Variants in PDHB observed in about 807,000 individuals in gnomAD.
The protein encoded by PDHB is pyruvate dehydrogenase E1 component subunit beta, mitochondrial.
Under a neutral mutation model 42.8 loss-of-function variants are expected in PDHB, and 17 were observed. The observed-to-expected ratio is 0.40, with a 90% CI of 0.27 to 0.60. The LOEUF (loss-of-function observed/expected upper bound fraction) is 0.60. PDHB is among the 20% of genes least tolerant of loss of function. The pLI is 0.46. For synonymous variants in PDHB, 154 were observed against 148.7 expected, an observed-to-expected ratio of 1.04 and a Z score of -0.26; for missense variants, 322 against 451.3, an observed-to-expected ratio of 0.71 and a Z score of 2.60.
In PDHB at chr3:58,429,683, TAAGAAC is replaced by T; in HGVS notation, c.792+19_792+24del. 1 of 1,427,258 alleles carries T rather than the reference TAAGAAC, an allele frequency of 7.0e-7. No homozygotes were observed. Among genetic ancestry groups the T allele is most frequent in the Non-Finnish European group, 9.9e-7 (1 of 1,009,508 alleles). 88.4% of individuals were successfully genotyped at this position (1,427,258 alleles called of 1,614,324 possible). A position where few individuals can be genotyped will look rare whatever the true frequency, so the allele number is the denominator to read the frequency against. On this transcript the variant is annotated intron_variant, in intron 8 of 9. Coordinates refer to ENST00000302746, the MANE Select transcript of PDHB (RefSeq NM_000925.4). ...TCTAAAAGGAGCCCTTCTAATTCTT[TAAGAAC>T]AAGTAAATGTCCACTCACCTCACAT...
Position 58,428,485 on chromosome 3 carries a change from T to C in PDHB, c.922A>G (p.Arg308Gly), listed in dbSNP as rs1237258897. ...QFGVGAEICARIMEGPAFNFL... is the reference protein window; with the variant it reads ...QFGVGAEICAGIMEGPAFNFL... ...TTCTTTGAAATACCTTCCATGATCCTGGCACAGATTTCAGCTCCTACTCCA... is the reference window on the plus strand; with the variant it reads ...TTCTTTGAAATACCTTCCATGATCCCGGCACAGATTTCAGCTCCTACTCCA... Residue 308 changes from arginine to glycine, a missense_variant, in exon 9 of 10, where the codon AGG (arginine) becomes GGG (glycine). Transcript: ENST00000302746. The C allele has an allele frequency of 2.5e-6, 4 of 1,614,072 alleles. No homozygotes were observed. Among genetic ancestry groups the C allele is most frequent in the Non-Finnish European group, 3.4e-6 (4 of 1,180,028 alleles).
At chr3:58,432,254 G>A (rs1476437878) in intron 2 of PDHB, 11 of 462,626 alleles carry the variant, frequency 2.4e-5, no homozygotes, top group Non-Finnish European at 4.3e-5. Context: ...TTAATATAAT[G>A]AATGGTAAAA....
At position 58,429,616 on chromosome 3, in the gene PDHB, T is replaced by TA. The variant is rs2062902906; in HGVS notation, c.792+91dup. The stretch of plus-strand genomic sequence containing the variant: ...AGAAATGAGTGACAAAGCAAGGTTT[T>TA]ACATCTAATTAACCTGTTACAGAAC... On this transcript the variant is annotated intron_variant, in intron 8 of 9. Transcript: ENST00000302746. 3.6e-6 allele frequency: 3 copies of TA among 840,142 alleles called. No individual in the cohort carries two copies. The Admixed American group carries it at 5.1e-5, about 14-fold the overall frequency. 52.0% of individuals were successfully genotyped at this position (840,142 alleles called of 1,614,324 possible).
chr3:58,427,687 T>C lies in PDHB; in HGVS notation c.*347A>G, dbSNP rs1473430848. 3 of 411,126 alleles carry C rather than the reference T, an allele frequency of 7.3e-6. No individual in the cohort carries two copies. Among genetic ancestry groups the C allele is most frequent in the East Asian group, 7.1e-5 (1 of 14,120 alleles). 25.5% of individuals were successfully genotyped at this position (411,126 alleles called of 1,614,324 possible). A position where few individuals can be genotyped will look rare whatever the true frequency, so the allele number is the denominator to read the frequency against. ...ACAAACTAACAGTAAATGTATATTA[T>C]ATGCTTTAATTTTATACATATAAGT... On this transcript the variant is annotated 3_prime_UTR_variant, in exon 10 of 10. Transcript: ENST00000302746.
In PDHB at chr3:58,430,742, G is replaced by A. The variant is rs1455953067; in HGVS notation, c.504C>T (p.His168=). The A allele has an allele frequency of 6.2e-7, 1 of 1,613,798 alleles. No individual in the cohort carries two copies. The highest frequency in any genetic ancestry group is 8.5e-7 in the Non-Finnish European group (1 of 1,179,768). ...GACTGACCACCTTTAAGCCTGGGCA[G>A]TGCCCATACCAGGCAGCAAAGCACT... ...HSQCFAAWYG[H]CPGLKVVSPW... Residue 168 remains histidine (H), a synonymous_variant, in exon 6 of 10, where the codon CAC becomes CAT. Coordinates refer to ENST00000302746, the MANE Select transcript of PDHB (RefSeq NM_000925.4).
Position 58,431,580 on chromosome 3 carries a change from G to C in PDHB, c.303+13C>G. On this transcript the variant is annotated intron_variant, in intron 5 of 9. Coordinates refer to ENST00000302746, the MANE Select transcript of PDHB (RefSeq NM_000925.4). This position sits in a 1 kb window ranked among gnomAD's most constrained non-coding sequence, Gnocchi z 4.4. ...AATGTCTTTGGATAAGTTTCATAAAGAGTATTACATACCATAGCTGCACCT... is the reference window on the plus strand; with the variant it reads ...AATGTCTTTGGATAAGTTTCATAAACAGTATTACATACCATAGCTGCACCT... 1 of 1,579,466 alleles carries C rather than the reference G, an allele frequency of 6.3e-7. No individual in the cohort carries two copies. Among genetic ancestry groups the C allele is most frequent in the South Asian group, 1.1e-5 (1 of 90,310 alleles).
At position 58,431,263 on chromosome 3, in the gene PDHB, T is replaced by C. The variant is rs1218328674; in HGVS notation, c.304-321A>G. 3 of 460,024 alleles carry C rather than the reference T, an allele frequency of 6.5e-6. No individual in the cohort carries two copies. Among genetic ancestry groups the C allele is most frequent in the African/African-American group, 2.0e-5 (1 of 51,054 alleles). The allele number at this position is 460,024 out of a possible 1,614,324, so 28.5% of individuals were successfully genotyped here. On this transcript the variant is annotated intron_variant, in intron 5 of 9. Transcript: ENST00000302746. This position sits in a 1 kb window ranked among gnomAD's most constrained non-coding sequence, Gnocchi z 4.4. ...TTTTAAAAGGTGATGTTAAATCTCT[T>C]TGGGGATGGGCACAGTGGCTCACGC...
Position 58,431,500 on chromosome 3 carries a change from C to T in PDHB, c.303+93G>A, listed in dbSNP as rs192925800. The T allele has an allele frequency of 1.3e-5, 13 of 1,014,574 alleles. No homozygotes were observed. The highest frequency in any genetic ancestry group is 7.1e-5 in the East Asian group (3 of 42,106). 62.8% of individuals were successfully genotyped at this position (1,014,574 alleles called of 1,614,324 possible). A position where few individuals can be genotyped will look rare whatever the true frequency, so the allele number is the denominator to read the frequency against. On this transcript the variant is annotated intron_variant, in intron 5 of 9. Coordinates refer to ENST00000302746, the MANE Select transcript of PDHB (RefSeq NM_000925.4). The surrounding 1 kb of genome is among the most constrained non-coding windows in gnomAD (Gnocchi z 4.4). ...AAGCTGAGATGGTGCCAGTGCACTC[C>T]AGGCTGGACAACAGAGTGAGACTCT... is the stretch of plus-strand genomic sequence containing the variant.
At position 58,429,724 on chromosome 3, in the gene PDHB, T is replaced by C. The variant is rs767174898; in HGVS notation, c.776A>G (p.Glu259Gly). 45 of 1,607,188 alleles carry C rather than the reference T, an allele frequency of 2.8e-5. No individual in the cohort carries two copies. The highest frequency in any genetic ancestry group is 3.3e-5 in the South Asian group (3 of 90,962). The change falls in exon 8 of 10, where the codon GAA (glutamate) becomes GGA (glycine). Residue 259 changes from glutamate (E) to glycine (G), a missense_variant. By Grantham distance (98) the Glu-to-Gly change is moderately conservative. Transcript: ENST00000302746. ...CLEAAAVLSK[E>G]GVECEVINMR... Reference sequence around the variant, plus strand: ...TCCACTCACCTCACATTCAACTCCTTCTTTAGATAGCACTGCTGCAGCTTC... The same window carrying C: ...TCCACTCACCTCACATTCAACTCCTCCTTTAGATAGCACTGCTGCAGCTTC...
rs758735231 is a variant in PDHB, at chr3:58,433,639, C to A, written c.88G>T (p.Ala30Ser). 3 of 1,611,112 alleles carry A rather than the reference C, an allele frequency of 1.9e-6. No homozygotes were observed. The highest frequency in any genetic ancestry group is 2.7e-5 in the African/African-American group (2 of 74,924). Residue 30 changes from alanine (A) to serine (S), a missense_variant, in exon 2 of 10, where the codon GCG becomes TCG. Ala to Ser is a moderately conservative substitution (Grantham distance 99). This residue lies in a region of PDHB where 58 missense variants were observed against 42.1 expected (regional missense o/e 1.38). Coordinates refer to ENST00000302746, the MANE Select transcript of PDHB (RefSeq NM_000925.4). ...GCACCCGCGCCTGTTACCTGCAGCG[C>A]AGCCGGCGCGGTCCAGTGAAAGCGC... ...KRRFHWTAPA[A>S]LQVTVRDAIN...
chr3:58,432,808 G>A (rs1047212366), intron 2 of PDHB: 2 of 152,610 alleles, frequency 1.3e-5, no homozygotes, highest in African/African-American at 4.8e-5. Context: ...AGACCAGCCT[G>A]GGCAATATGG....
At chr3:58,430,462 C>T (rs924724000) in intron 6 of PDHB, among the ~76,000 whole-genome samples, 195 bp downstream of exon 6, 7 of 152,156 alleles carry the variant, frequency 4.6e-5, no homozygotes, top group African/African-American at 1.4e-4. Flanking sequence ...TAAATGTCCC[C>T]TTTACCTAGC....
rs755528489 is a variant in PDHB at position 58,433,621 on chromosome 3, C to T, written c.96+10G>A. On this transcript the variant is annotated intron_variant, in intron 2 of 9. Transcript: ENST00000302746. ...CCCGCCCTCGTCCGACGAGCACCCG[C>T]GCCTGTTACCTGCAGCGCAGCCGGC... 1.5e-5 allele frequency: 24 copies of T among 1,608,400 alleles called. No homozygotes were observed. Among genetic ancestry groups the T allele is most frequent in the Non-Finnish European group, 2.0e-5 (24 of 1,178,390 alleles).
chr3:58,431,096 G>C lies in PDHB; in HGVS notation c.304-154C>G, dbSNP rs185009343. 1.5e-4 allele frequency: 116 copies of C among 755,436 alleles called. No individual in the cohort carries two copies. In the African/African-American group the frequency reaches 1.8e-3, roughly 12 times the overall value. The allele number at this position is 755,436 out of a possible 1,614,324, so 46.8% of individuals were successfully genotyped here. A position where few individuals can be genotyped will look rare whatever the true frequency, so the allele number is the denominator to read the frequency against. ...GTCTCACTGTCACCCATGCTGGAGT[G>C]CAGTGGCACACATCATAGCTCACTG... On this transcript the variant is annotated intron_variant, in intron 5 of 9. Transcript: ENST00000302746. This position sits in a 1 kb window ranked among gnomAD's most constrained non-coding sequence, Gnocchi z 4.4.
intron 2 of PDHB, chr3:58,433,380 C>G (rs1446596163): frequency 3.4e-6 from 2 of 595,788 alleles, no homozygotes; most frequent in Non-Finnish European, 6.0e-6. Flanking sequence ...AAGAAAAAAA[C>G]ATGGAGTGAG....
chr3:58,433,552 C>T, intron 2 of PDHB, 79 bp downstream of exon 2: 1 of 1,467,152 alleles, frequency 6.8e-7, no homozygotes, highest in Non-Finnish European at 9.3e-7. Context: ...GGCCACAGCG[C>T]AGGCGCGACT....
rs11130641 is a variant in PDHB at position 58,432,202 on chromosome 3, T to C, written c.97-218A>G. 0.77 allele frequency: 437,999 copies of C among 569,488 alleles called. 169,319 individuals carry two copies. The highest frequency in any genetic ancestry group is 0.8 in the South Asian group (39,504 of 49,652). 35.3% of individuals were successfully genotyped at this position (569,488 alleles called of 1,614,324 possible). A position where few individuals can be genotyped will look rare whatever the true frequency, so the allele number is the denominator to read the frequency against. ...TACTGAGTGCTCACTAGGTGCCAAG[T>C]ACTGCCAAATACTTTGCATCCAGAA... On this transcript the variant is annotated intron_variant, in intron 2 of 9. Transcript: ENST00000302746.
chr3:58,430,638 A>T lies in PDHB; in HGVS notation c.589+19T>A, dbSNP rs368511475. 2.5e-6 allele frequency: 4 copies of T among 1,609,866 alleles called. No homozygotes were observed. Among genetic ancestry groups the T allele is most frequent in the Admixed American group, 3.3e-5 (2 of 60,002 alleles). ...AGTTTTTCAATCTTCAAAAAAAACC[A>T]AAGGGTCCCTGTGCTGACCTGGATT... On this transcript the variant is annotated intron_variant, in intron 6 of 9. Coordinates refer to ENST00000302746, the MANE Select transcript of PDHB (RefSeq NM_000925.4).
chr3:58,430,610 T>C, intron 6 of PDHB, 47 bp downstream of exon 6: 1 of 1,490,784 alleles, frequency 6.7e-7, no homozygotes, highest in South Asian at 1.1e-5. Flanking sequence ...AATATATCAT[T>C]TTAGTTTTTC....
Sources: allele counts gnomAD v4.1 joint callset (sites outside exome capture counted in the v4.1 genomes callset), GRCh38; gene constraint gnomAD v4.1.1; regional missense constraint gnomAD v4.1.1; non-coding constraint Gnocchi (gnomAD v3.1); transcripts MANE v1.5; gene names NCBI Gene and HGNC (gene_info 2026-07-23, HGNC 2026-07-21).